Variants in TFR2 observed in about 807,000 individuals in gnomAD.
The protein encoded by TFR2 is transferrin receptor protein 2.
A neutral mutation model predicts 91.9 loss-of-function variants in TFR2; 64 were observed. The observed-to-expected ratio is 0.70, with a 90% CI of 0.57 to 0.86. The LOEUF (loss-of-function observed/expected upper bound fraction) is 0.86. Ranked by LOEUF, TFR2 falls within the 40% of genes least tolerant of loss-of-function variation. The pLI, the probability that TFR2 is intolerant of heterozygous loss-of-function variation, is 0.00. For synonymous variants in TFR2, 454 were observed against 459.6 expected (o/e 0.99, Z 0.15); for missense variants, 950 against 1,080.5 (o/e 0.88, Z 1.69).
At chr7:100,631,194 G>GT in intron 8 of TFR2, 142 bp from the exon 9 acceptor site, 1 of 978,678 alleles carries the variant, frequency 1.0e-6, no homozygotes, top group South Asian at 1.8e-5. Flanking sequence ...GGGCAGTGCA[G>GT]TCAGGGCTGC....
chr7:100,636,018 G>A, intron 3 of TFR2, among the ~76,000 whole-genome samples: 1 of 152,132 alleles, frequency 6.6e-6, no homozygotes, highest in South Asian at 2.1e-4. Context: ...AACAAAGTTA[G>A]ACTGTTTTAG....
intron 3 of TFR2, chr7:100,639,737 GA>G (rs1803652914): frequency 1.3e-5 from 2 of 151,702 alleles, no homozygotes; most frequent in African/African-American, 4.8e-5. Context: ...CTAGCTTTTG[GA>G]TCTGCACCCA....
chr7:100,621,287 T>A (rs1341770257), intron 17 of TFR2, among the ~76,000 whole-genome samples, 161 bp from the exon 18 acceptor site: 1 of 152,264 alleles, frequency 6.6e-6, no homozygotes, highest in Admixed American at 6.5e-5. Context: ...GGAGTCTCGC[T>A]CTGTCTCCCA....
rs41303492 is a variant in TFR2, at chr7:100,631,159, G to A, written c.1107-107C>T. On this transcript the variant is annotated intron_variant, in intron 8 of 17. Coordinates refer to ENST00000223051, the MANE Select transcript of TFR2 (RefSeq NM_003227.4). ...CTCCCACCCTTTCTGGCTCCAGATC[G>A]CTGCCTCTGGACGCTGCCTGGGTAG... The A allele has an allele frequency of 6.6e-5, 84 of 1,281,336 alleles. No homozygotes were observed. The East Asian group carries it at 1.3e-3, about 20-fold the overall frequency. The allele number at this position is 1,281,336 out of a possible 1,614,324, so 79.4% of individuals were successfully genotyped here.
In TFR2 at chr7:100,631,870, A is replaced by G; in HGVS notation, c.1042T>C (p.Ser348Pro). The G allele has an allele frequency of 6.2e-7, 1 of 1,613,934 alleles. No individual in the cohort carries two copies. The highest frequency in any genetic ancestry group is 8.5e-7 in the Non-Finnish European group (1 of 1,179,998). The stretch of plus-strand genomic sequence containing the variant: ...GCTGGGATGCTGGGAAGGCCTGATG[A>G]TGCAACTGGAGGGAACTGGGTTTGA... ...FNQTQFPPVA[S>P]SGLPSIPAQP... The change falls in exon 8 of 18, where the codon TCA becomes CCA. Residue 348 changes from serine to proline, a missense_variant. Coordinates refer to ENST00000223051, the MANE Select transcript of TFR2 (RefSeq NM_003227.4).
intron 8 of TFR2, chr7:100,631,489 G>T (rs906219369): frequency 9.4e-6 from 3 of 320,818 alleles, no homozygotes; most frequent in South Asian, 2.8e-5. Context: ...CGGGCGTGGT[G>T]GGGGGGCACC....
At chr7:100,636,990 G>T (rs1036369701) in intron 3 of TFR2, among the ~76,000 whole-genome samples, 21 of 152,200 alleles carry the variant, frequency 1.4e-4, no homozygotes, top group African/African-American at 4.6e-4. Flanking sequence ...AACAGGCTGG[G>T]CACCATGGCT....
intron 17 of TFR2, among the ~76,000 whole-genome samples, chr7:100,625,788 G>A (rs918590823): frequency 6.6e-6 from 1 of 152,174 alleles, no homozygotes; most frequent in Non-Finnish European, 1.5e-5. Context: ...GGGAGGCTGA[G>A]GTGGGAGGAT....
At chr7:100,621,730 C>G (rs1014785765) in intron 17 of TFR2, among the ~76,000 whole-genome samples, 1 of 152,184 alleles carries the variant, frequency 6.6e-6, no homozygotes, top group African/African-American at 2.4e-5. Context: ...GTCCACAGCC[C>G]AGAGACGAAG....
chr7:100,634,237 C>T (rs1325253569), intron 3 of TFR2, among the ~76,000 whole-genome samples: 1 of 144,218 alleles, frequency 6.9e-6, no homozygotes, highest in Admixed American at 7.2e-5. Context: ...AAACACTTTC[C>T]TTCGAAAGAG....
chr7:100,638,376 C>T (rs1803619777), intron 3 of TFR2, among the ~76,000 whole-genome samples: 1 of 151,910 alleles, frequency 6.6e-6, no homozygotes, highest in Non-Finnish European at 1.5e-5. Context: ...TTTTGGGAGG[C>T]TGAGGTGGGA....
In TFR2 at chr7:100,627,798, C is replaced by T. The variant is rs747264410; in HGVS notation, c.1628G>A (p.Gly543Glu). ...CACCACCTGTTCATAGAGAGTCTGC[C>T]CACTGTGGTTGGGAGAATCCACCTG... Reference protein sequence around the residue: ...LKQVDSPNHSGQTLYEQVVFT... With the variant: ...LKQVDSPNHSEQTLYEQVVFT... The change falls in exon 14 of 18, where the codon GGG becomes GAG. Residue 543 changes from glycine (G) to glutamate (E), a missense_variant. Coordinates refer to ENST00000223051, the MANE Select transcript of TFR2 (RefSeq NM_003227.4). 4 of 1,614,038 alleles carry T rather than the reference C, an allele frequency of 2.5e-6. No homozygotes were observed. In the Admixed American group the frequency reaches 5.0e-5, roughly 20 times the overall value.
chr7:100,639,401 G>C (rs1042114334), intron 3 of TFR2, among the ~76,000 whole-genome samples: 1 of 152,188 alleles, frequency 6.6e-6, no homozygotes. Flanking sequence ...GTCTCAGTGA[G>C]CTAGGAGTGA....
intron 3 of TFR2, among the ~76,000 whole-genome samples, chr7:100,636,637 T>C (rs991655182): frequency 6.6e-6 from 1 of 152,106 alleles, no homozygotes; most frequent in Non-Finnish European, 1.5e-5. Flanking sequence ...TCCAGAATCC[T>C]ACTCTCTGAG....
rs1803413862 is a variant in TFR2 at position 100,630,962 on chromosome 7, T to C, written c.1197A>G (p.Leu399=). The change falls in exon 9 of 18, where the codon CTA becomes CTG. Residue 399 remains leucine (L), a synonymous_variant. Transcript: ENST00000223051. The part of the protein sequence containing the change: ...YHLGPGPRLR[L]VVNNHRTSTP... ...TGGAGGTCCTGTGATTGTTGACCAC[T>C]AGCCGCAGTCGTGGCCCGGGGCCCA... The C allele has an allele frequency of 6.2e-7, 1 of 1,612,940 alleles. No individual in the cohort carries two copies. The highest frequency in any genetic ancestry group is 8.5e-7 in the Non-Finnish European group (1 of 1,179,842).
chr7:100,627,680 G>A lies in TFR2; in HGVS notation c.1683-19C>T. 1.2e-6 allele frequency: 2 copies of A among 1,614,048 alleles called. No individual in the cohort carries two copies. The highest frequency in any genetic ancestry group is 1.1e-5 in the South Asian group (1 of 91,070). On this transcript the variant is annotated intron_variant, in intron 14 of 17. Coordinates refer to ENST00000223051, the MANE Select transcript of TFR2 (RefSeq NM_003227.4). ...CCGGATCCTGGGGGCAGGTGGGTTGGAGCGATCTGTGGGTTCAGGCTCCCC... is the reference window on the plus strand; with the variant it reads ...CCGGATCCTGGGGGCAGGTGGGTTGAAGCGATCTGTGGGTTCAGGCTCCCC...
At chr7:100,627,179 G>A (rs1803286238) in intron 16 of TFR2, 85 bp downstream of exon 16, 1 of 1,429,618 alleles carries the variant, frequency 7.0e-7, no homozygotes, top group Non-Finnish European at 9.6e-7. Flanking sequence ...AGACCCCAGG[G>A]AATGCAGAGA....
intron 17 of TFR2, among the ~76,000 whole-genome samples, chr7:100,625,034 C>CATGCATCT (rs1235160118): frequency 6.6e-6 from 1 of 150,472 alleles, no homozygotes; most frequent in East Asian, 1.9e-4. Context: ...GAGCCTGAGT[C>CATGCATCT]ATGCATCTTT....
In TFR2 at chr7:100,628,241, A is replaced by G. The variant is rs767913945; in HGVS notation, c.1456T>C (p.Ser486Pro). Residue 486 changes from serine (S) to proline (P), a missense_variant, in exon 11 of 18, where the codon TCC becomes CCC. Coordinates refer to ENST00000223051, the MANE Select transcript of TFR2 (RefSeq NM_003227.4). ...WDGGDFGSVG[S>P]TEWLEGYLSV... Reference sequence around the variant, plus strand: ...CGTATCACCTCTAGCCACTCCGTGGAGCCCACGCTTCCAAAGTCACCACCG... The same window carrying G: ...CGTATCACCTCTAGCCACTCCGTGGGGCCCACGCTTCCAAAGTCACCACCG... 3.1e-6 allele frequency: 5 copies of G among 1,609,896 alleles called. No individual in the cohort carries two copies. The East Asian group carries it at 1.1e-4, about 36-fold the overall frequency.
Sources: allele counts gnomAD v4.1 joint callset (sites outside exome capture counted in the v4.1 genomes callset), GRCh38; gene constraint gnomAD v4.1.1; transcripts MANE v1.5; gene names NCBI Gene and HGNC (gene_info 2026-07-23, HGNC 2026-07-21).